The following RELN variants were observed in gnomAD, a reference collection of about 807,000 sequenced individuals.
The protein encoded by RELN is reelin.
Under a neutral mutation model 427.6 loss-of-function variants are expected in RELN, and 108 were observed. The observed-to-expected ratio is 0.25, with a 90% confidence interval of 0.22 to 0.30. The LOEUF (loss-of-function observed/expected upper bound fraction) is 0.30. Ranked by LOEUF, RELN falls within the 10% of genes least tolerant of loss-of-function variation. The pLI is 1.00. For synonymous variants in RELN, 1,524 were observed against 1,513.4 expected (o/e 1.01, Z -0.16); for missense variants, 3,715 against 4,302.8 (o/e 0.86, Z 3.82).
chr7:103,853,634 A>G (rs181908988), intron 2 of RELN, among the ~76,000 whole-genome samples: 1 of 151,870 alleles, frequency 6.6e-6, no homozygotes, highest in African/African-American at 2.4e-5. Flanking sequence ...AGAACAGCAA[A>G]TAATTTTTTT....
At chr7:103,676,723 G>T (rs140832395) in intron 11 of RELN, among the ~76,000 whole-genome samples, 6 of 151,920 alleles carry the variant, frequency 3.9e-5, no homozygotes, top group Non-Finnish European at 8.8e-5. Flanking sequence ...AAAATGATGA[G>T]TTCATGTCCT....
intron 2 of RELN, among the ~76,000 whole-genome samples, chr7:103,865,132 C>CAAAAAAAAAAAAAAAAAAAAA (rs386410871): frequency 3.0e-5 from 2 of 67,194 alleles, no homozygotes; most frequent in Non-Finnish European, 2.7e-5. Context: ...GAAACTGTCT[C>CAAAAAAAAAAAAAAAAAAAAA]AAAAAAAAAA....
At chr7:103,652,947 G>A (rs1000799291) in intron 13 of RELN, among the ~76,000 whole-genome samples, 188 bp from the exon 14 acceptor site, 1 of 152,034 alleles carries the variant, frequency 6.6e-6, no homozygotes, top group Admixed American at 6.6e-5. Flanking sequence ...TCGATTTAGT[G>A]ACTCAGAATT....
chr7:103,984,328 ATAT>A (rs900929386), intron 1 of RELN, among the ~76,000 whole-genome samples: 17 of 152,144 alleles, frequency 1.1e-4, no homozygotes, highest in Admixed American at 1.1e-3. Flanking sequence ...AACTATATTC[ATAT>A]TATTACAACG....
At chr7:103,601,712 G>T (rs1831672873) in intron 24 of RELN, among the ~76,000 whole-genome samples, 2 of 152,162 alleles carry the variant, frequency 1.3e-5, no homozygotes, top group Admixed American at 6.6e-5. Flanking sequence ...TAAGGAGACA[G>T]ATTGGAAAAG....
At chr7:103,907,418 A>G (rs201371989) in intron 2 of RELN, among the ~76,000 whole-genome samples, 429 of 51,738 alleles carry the variant, frequency 8.3e-3, no homozygotes, top group East Asian at 0.012. Context: ...GGCTCTGGAA[A>G]AAAAAAAAAA....
In RELN at chr7:103,985,610, C is replaced by T. The variant is rs531106787; in HGVS notation, c.226+3521G>A. Among the ~76,000 whole-genome samples, 8 of 152,240 alleles carry T rather than the reference C, an allele frequency of 5.3e-5. No individual in the cohort carries two copies. In the South Asian group the frequency reaches 1.7e-3, roughly 32 times the overall value. ...TCTATTATCTGGCTGTTCAGTGATG[C>T]TAAACTTACTTTAAGCAAAGAGGGG... is the stretch of plus-strand genomic sequence containing the variant. On this transcript the variant is annotated intron_variant, in intron 1 of 64. Coordinates refer to ENST00000428762, the MANE Select transcript of RELN (RefSeq NM_005045.4).
intron 1 of RELN, among the ~76,000 whole-genome samples, chr7:103,930,040 A>G (rs1345314271): frequency 2.6e-5 from 4 of 152,240 alleles, no homozygotes; most frequent in Admixed American, 6.5e-5. Flanking sequence ...TGCTCACCTC[A>G]TGCCAAGTCT....
At chr7:103,571,709 C>T (rs1830885459) in intron 31 of RELN, among the ~76,000 whole-genome samples, 1 of 152,138 alleles carries the variant, frequency 6.6e-6, no homozygotes, top group Non-Finnish European at 1.5e-5. Flanking sequence ...TATAATAAGT[C>T]TCAGTAAAAG....
intron 2 of RELN, among the ~76,000 whole-genome samples, chr7:103,876,629 C>T (rs927631810): frequency 2.2e-4 from 33 of 152,086 alleles, no homozygotes; most frequent in African/African-American, 7.0e-4. Flanking sequence ...TTTATTTGCA[C>T]TGTGTGAACA....
intron 1 of RELN, among the ~76,000 whole-genome samples, chr7:103,972,862 C>A (rs1169378703): frequency 2.7e-5 from 4 of 150,854 alleles, no homozygotes; most frequent in African/African-American, 9.8e-5. Flanking sequence ...ATAGATGCTT[C>A]ACACACTGCT....
chr7:103,504,889 T>G (rs7783672), intron 51 of RELN, among the ~76,000 whole-genome samples: 57,580 of 151,896 alleles, frequency 0.38, 11,393 homozygotes, highest in East Asian at 0.55. Context: ...GAGCTTGGTT[T>G]GGGGAGGGGC....
At chr7:103,695,038 T>G (rs980589412) in intron 10 of RELN, among the ~76,000 whole-genome samples, 2 of 152,090 alleles carry the variant, frequency 1.3e-5, no homozygotes, top group African/African-American at 4.8e-5. Flanking sequence ...AATAAAACAA[T>G]GTTTTAAACA....
At chr7:103,874,562 A>G (rs1160341125) in intron 2 of RELN, among the ~76,000 whole-genome samples, 1 of 146,180 alleles carries the variant, frequency 6.8e-6, no homozygotes, top group Admixed American at 6.9e-5. Flanking sequence ...ATACACCAAC[A>G]ACAGACAAAC....
At chr7:103,900,568 C>G (rs1795062041) in intron 2 of RELN, among the ~76,000 whole-genome samples, 1 of 152,090 alleles carries the variant, frequency 6.6e-6, no homozygotes, top group East Asian at 1.9e-4. Context: ...CTATAGTAAC[C>G]AAAACAACAT....
At chr7:103,673,346 CA>C (rs1833436729) in intron 11 of RELN, among the ~76,000 whole-genome samples, 1 of 151,886 alleles carries the variant, frequency 6.6e-6, no homozygotes, top group African/African-American at 2.4e-5. Context: ...AAGAGTTAAC[CA>C]AGATCTACAG....
intron 19 of RELN, among the ~76,000 whole-genome samples, chr7:103,633,540 A>T (rs1245223235): frequency 1.3e-5 from 2 of 151,846 alleles, no homozygotes; most frequent in Admixed American, 1.3e-4. Flanking sequence ...CTTTTAAAAA[A>T]ACTCCACTTT....
intron 17 of RELN, among the ~76,000 whole-genome samples, chr7:103,638,175 A>G (rs3025970): frequency 0.036 from 5,453 of 151,934 alleles, 161 homozygotes; most frequent in East Asian, 0.14. Context: ...CTGACTCCCA[A>G]TATGTCTGCT....
rs886042201 is a variant in RELN, at chr7:103,603,322, T to C, written c.3315A>G (p.Ser1105=). The C allele has an allele frequency of 6.2e-7, 1 of 1,613,798 alleles. No homozygotes were observed. The highest frequency in any genetic ancestry group is 8.5e-7 in the Non-Finnish European group (1 of 1,179,746). ...EQGCGVISSG[S]SLYFSKAGKR... ...GTCATACCTTGCTGAAGTACAGAGA[T>C]GATCCAGAAGAGATGACACCACACC... is the stretch of plus-strand genomic sequence containing the variant. Residue 1105 remains serine, a synonymous_variant, in exon 24 of 65, where the codon TCA becomes TCG. Transcript: ENST00000428762. The surrounding 1 kb of genome is among the most constrained non-coding windows in gnomAD (Gnocchi z 4.3).
Sources: allele counts gnomAD v4.1 joint callset (sites outside exome capture counted in the v4.1 genomes callset), GRCh38; gene constraint gnomAD v4.1.1; non-coding constraint Gnocchi (gnomAD v3.1); transcripts MANE v1.5; gene names NCBI Gene and HGNC (gene_info 2026-07-23, HGNC 2026-07-21).